The following KCNK10 variants were observed in gnomAD, a reference collection of about 807,000 sequenced individuals.
The protein encoded by KCNK10 is potassium channel subfamily K member 10.
A neutral mutation model predicts 47.7 loss-of-function variants in KCNK10; 25 were observed. That is an observed-to-expected ratio of 0.52 (90% CI 0.38 to 0.73). The LOEUF (loss-of-function observed/expected upper bound fraction) is 0.73, where lower values mean the gene tolerates loss of function less well. Ranked by LOEUF, KCNK10 falls within the 30% of genes least tolerant of loss-of-function variation. The pLI is 0.00. For missense variants in KCNK10, 563 were observed against 714.5 expected (o/e 0.79, Z 2.42); for synonymous variants, 303 against 285.6 (o/e 1.06, Z -0.61).
chr14:88,303,509 G>A lies in KCNK10; in HGVS notation c.52+19238C>T, dbSNP rs976237748. ...TGTGAAAGGCCTAAAGGAATGAGGG[G>A]TGGCTGGCGGCAATGCGGGATCAAG... On this transcript the variant is annotated intron_variant, in intron 1 of 6. Transcript: ENST00000319231. Among the ~76,000 whole-genome samples the A allele has an allele frequency of 7.2e-5, 11 of 152,086 alleles. No individual in the cohort carries two copies. The South Asian group carries it at 1.7e-3, about 23-fold the overall frequency.
chr14:88,261,322 G>A (rs1887105449), intron 2 of KCNK10, among the ~76,000 whole-genome samples: 3 of 152,052 alleles, frequency 2.0e-5, no homozygotes, highest in Non-Finnish European at 2.9e-5. Context: ...ACAACAATGT[G>A]TATAAATGTA....
At chr14:88,223,221 T>G (rs1471257546) in intron 4 of KCNK10, among the ~76,000 whole-genome samples, 1 of 152,176 alleles carries the variant, frequency 6.6e-6, no homozygotes, top group Admixed American at 6.5e-5. Context: ...AACCTTGGAC[T>G]GGCATCACCC....
chr14:88,266,145 G>A (rs1887247153), intron 1 of KCNK10, among the ~76,000 whole-genome samples: 1 of 152,134 alleles, frequency 6.6e-6, no homozygotes, highest in African/African-American at 2.4e-5. Flanking sequence ...ACAGTACCTG[G>A]CACATGGTGG....
intron 1 of KCNK10, among the ~76,000 whole-genome samples, chr14:88,294,219 C>A (rs1278423410): frequency 6.6e-6 from 1 of 152,240 alleles, no homozygotes; most frequent in Non-Finnish European, 1.5e-5. Context: ...GAATGAGTAT[C>A]TGACCCTAGA....
chr14:88,252,968 C>T (rs970558809), intron 2 of KCNK10, among the ~76,000 whole-genome samples: 13 of 152,140 alleles, frequency 8.5e-5, no homozygotes, highest in Non-Finnish European at 1.6e-4. Flanking sequence ...CTAAGCCCAC[C>T]GTGTCAAGCC....
chr14:88,222,744 G>A (rs1338672606), intron 4 of KCNK10, among the ~76,000 whole-genome samples: 1 of 152,150 alleles, frequency 6.6e-6, no homozygotes, highest in Non-Finnish European at 1.5e-5. Context: ...AGTTCCTTTT[G>A]TATTTCCTGA....
chr14:88,323,140 T>G lies in KCNK10; in HGVS notation c.-342A>C, dbSNP rs2139810449. The G allele has an allele frequency of 8.7e-7, 1 of 1,156,056 alleles. No individual in the cohort carries two copies. The allele number at this position is 1,156,056 out of a possible 1,614,324, so 71.6% of individuals were successfully genotyped here. On this transcript the variant is annotated 5_prime_UTR_variant, in exon 1 of 7. Transcript: ENST00000319231. ...GCTTCCCAAAAGCGGTGCCGGCAGG[T>G]TAGGGGCTGCGCAGCCTGAAGGCTG...
chr14:88,227,783 T>C (rs1255948442), intron 3 of KCNK10, among the ~76,000 whole-genome samples: 1 of 152,202 alleles, frequency 6.6e-6, no homozygotes, highest in Non-Finnish European at 1.5e-5. Flanking sequence ...CACTCAGAAC[T>C]TTCATTTTCA....
intron 4 of KCNK10, among the ~76,000 whole-genome samples, chr14:88,215,208 C>T (rs78636353): frequency 0.014 from 2,130 of 152,240 alleles, 31 homozygotes; most frequent in East Asian, 0.042. Flanking sequence ...CATTCTCACA[C>T]TGCTATGAAG....
chr14:88,274,215 C>T (rs1887475215), intron 1 of KCNK10, among the ~76,000 whole-genome samples: 1 of 152,050 alleles, frequency 6.6e-6, no homozygotes, highest in South Asian at 2.1e-4. Flanking sequence ...TCTTCTTCCA[C>T]ACACACTTCT....
chr14:88,289,255 T>C (rs1170810500), intron 1 of KCNK10, among the ~76,000 whole-genome samples: 5 of 152,202 alleles, frequency 3.3e-5, no homozygotes, highest in Non-Finnish European at 5.9e-5. Context: ...TCTTTGCCTT[T>C]TAAAGTCACC....
chr14:88,311,085 T>A (rs973459947), intron 1 of KCNK10, among the ~76,000 whole-genome samples: 2 of 152,170 alleles, frequency 1.3e-5, no homozygotes, highest in African/African-American at 4.8e-5. Context: ...TGGAATTGGT[T>A]GTCATAATTC....
intron 1 of KCNK10, among the ~76,000 whole-genome samples, chr14:88,307,280 CCA>C (rs199767696): frequency 1.3e-5 from 1 of 75,472 alleles, no homozygotes; most frequent in Non-Finnish European, 4.3e-5. Flanking sequence ...GGTATGGATG[CCA>C]CATGAGTGAA....
chr14:88,249,039 C>G (rs532719056), intron 2 of KCNK10, among the ~76,000 whole-genome samples: 1 of 152,122 alleles, frequency 6.6e-6, no homozygotes, highest in African/African-American at 2.4e-5. Context: ...CTATCTTCCA[C>G]GAATAGTTCT....
At position 88,186,074 on chromosome 14, in the gene KCNK10, C is replaced by A. The variant is rs568062311; in HGVS notation, c.1093G>T (p.Val365Leu). 5.2e-5 allele frequency: 84 copies of A among 1,612,414 alleles called. No individual in the cohort carries two copies. The highest frequency in any genetic ancestry group is 6.8e-5 in the Non-Finnish European group (80 of 1,179,868). The change falls in exon 7 of 7, where the codon GTG becomes TTG. Residue 365 changes from valine (V) to leucine (L), a missense_variant. Val to Leu is a conservative substitution (Grantham distance 32). Coordinates refer to ENST00000319231, the MANE Select transcript of KCNK10 (RefSeq NM_138317.3). The surrounding 1 kb of genome is among the most constrained non-coding windows in gnomAD (Gnocchi z 5.5). The stretch of plus-strand genomic sequence containing the variant: ...CGCTGCAGCTTATCGTGGATCTCCA[C>A]GCTGAGCCTTCGCCGTGTCTCCCGG... ...EFRETRRRLS[V>L]EIHDKLQRAA...
intron 1 of KCNK10, among the ~76,000 whole-genome samples, chr14:88,315,861 G>A (rs925304345): frequency 6.6e-6 from 1 of 152,108 alleles, no homozygotes; most frequent in African/African-American, 2.4e-5. Flanking sequence ...AGACTCTGCA[G>A]GATTTGGGGG....
At chr14:88,240,867 ATTTTT>A (rs369769888) in intron 2 of KCNK10, 47 bp from the exon 3 acceptor site, 1 of 1,058,194 alleles carries the variant, frequency 9.5e-7, no homozygotes, top group Admixed American at 2.4e-5. Context: ...AAAGTTGTTT[ATTTTT>A]TTTTTCTTCA....
intron 4 of KCNK10, among the ~76,000 whole-genome samples, chr14:88,221,139 T>C (rs527526875): frequency 2.6e-5 from 4 of 151,576 alleles, no homozygotes; most frequent in Non-Finnish European, 5.9e-5. Flanking sequence ...CCATCTCTAC[T>C]AAAAATACAA....
upstream of KCNK10, among the ~76,000 whole-genome samples, chr14:88,324,283 C>CA (rs2139811562): frequency 6.6e-6 from 1 of 152,330 alleles, no homozygotes; most frequent in African/African-American, 2.4e-5. Context: ...GGTGGGGCCT[C>CA]AGTCTTCAGA....
Sources: gnomAD v4.1 joint callset for allele counts (sites outside exome capture counted in the v4.1 genomes callset) on GRCh38, gnomAD v4.1.1 for gene constraint, Gnocchi (gnomAD v3.1) non-coding constraint, MANE v1.5 for transcripts, NCBI Gene and HGNC (gene_info 2026-07-23, HGNC 2026-07-21) for gene names.